Variants in AGMO observed in about 807,000 individuals in gnomAD.
AGMO encodes the protein glyceryl-ether monooxygenase.
AGMO carries 75 observed loss-of-function variants against 60.2 expected under a neutral mutation model. That is an observed-to-expected ratio of 1.25 (90% CI 1.03 to 1.51). The LOEUF (loss-of-function observed/expected upper bound fraction) is 1.51, where lower values mean the gene tolerates loss of function less well. Ranked by LOEUF, AGMO falls within the 40% of genes most tolerant of loss-of-function variation. The pLI is 0.00. For missense variants in AGMO, 763 were observed against 525.5 expected, an observed-to-expected ratio of 1.45 and a Z score of -4.42; for synonymous variants, 261 against 177.1, an observed-to-expected ratio of 1.47 and a Z score of -3.76.
chr7:15,369,112 T>C (rs1169681723), intron 10 of AGMO, among the ~76,000 whole-genome samples: 1 of 152,120 alleles, frequency 6.6e-6, no homozygotes, highest in Non-Finnish European at 1.5e-5. Flanking sequence ...TATCAAGAGA[T>C]ATATTTAAAA....
chr7:15,442,339 T>A (rs1781579615), intron 3 of AGMO, among the ~76,000 whole-genome samples: 1 of 152,184 alleles, frequency 6.6e-6, no homozygotes, highest in African/African-American at 2.4e-5. Flanking sequence ...TGAATGTATG[T>A]CTGGTTTTAA....
the AGMO span, among the ~76,000 whole-genome samples, chr7:15,189,975 TC>T: frequency 6.6e-6 from 1 of 150,718 alleles, no homozygotes; most frequent in Non-Finnish European, 1.5e-5. Context: ...TTTGGGACCT[TC>T]CCTGCTGTTC....
intron 12 of AGMO, among the ~76,000 whole-genome samples, chr7:15,357,190 CGTGTGTGTGTGT>C (rs36124819): frequency 2.1e-3 from 309 of 144,450 alleles, no homozygotes; most frequent in Middle Eastern, 3.5e-3. Context: ...TATGAATATT[CGTGTGTGTGTGT>C]GTGTGTGTGT....
chr7:15,277,201 G>A (rs148619651), intron 12 of AGMO, among the ~76,000 whole-genome samples: 4,742 of 151,902 alleles, frequency 0.031, 243 homozygotes, highest in African/African-American at 0.11. Flanking sequence ...CCAGCTAGTC[G>A]GGAGGCTGAG....
rs558940958 is a variant in AGMO at position 15,374,346 on chromosome 7, A to T, written c.1075-8124T>A. 3.3e-5 allele frequency among the ~76,000 whole-genome samples: 5 copies of T among 152,290 alleles called. No individual in the cohort carries two copies. In the East Asian group the frequency reaches 7.7e-4, roughly 23 times the overall value. On this transcript the variant is annotated intron_variant, in intron 10 of 12. Transcript: ENST00000342526. ...CAAGCAAGAAGCAAACATAATAAAT[A>T]TATCAAAGGTGAAAATATATTGGCT...
chr7:15,417,541 C>A (rs559593257), intron 5 of AGMO, among the ~76,000 whole-genome samples: 4 of 152,136 alleles, frequency 2.6e-5, no homozygotes, highest in African/African-American at 9.7e-5. Flanking sequence ...GGTCTTTGAC[C>A]TCTAGAGTCA....
intron 3 of AGMO, among the ~76,000 whole-genome samples, chr7:15,460,102 T>TC (rs1288501424): frequency 3.8e-4 from 47 of 122,912 alleles, no homozygotes; most frequent in Non-Finnish European, 5.4e-4. Context: ...TTACCCAATT[T>TC]CCCCTTTTTT....
chr7:15,455,113 A>G (rs974009469), intron 3 of AGMO, among the ~76,000 whole-genome samples: 4 of 150,206 alleles, frequency 2.7e-5, no homozygotes, highest in African/African-American at 9.8e-5. Context: ...ACACACACAC[A>G]CACACTTTTT....
At chr7:15,428,385 T>C (rs1469649067) in intron 4 of AGMO, among the ~76,000 whole-genome samples, 1 of 152,190 alleles carries the variant, frequency 6.6e-6, no homozygotes, top group Non-Finnish European at 1.5e-5. Flanking sequence ...CAGCTTGTCA[T>C]GCATTCTCAA....
At chr7:15,448,596 T>A (rs1781768521) in intron 3 of AGMO, among the ~76,000 whole-genome samples, 1 of 145,904 alleles carries the variant, frequency 6.9e-6, no homozygotes, top group South Asian at 2.1e-4. Context: ...ATGACTGATT[T>A]CTCCATAAAG....
intron 3 of AGMO, among the ~76,000 whole-genome samples, chr7:15,439,724 T>C (rs1781497619): frequency 6.6e-6 from 1 of 152,196 alleles, no homozygotes; most frequent in Non-Finnish European, 1.5e-5. Flanking sequence ...ATTTTATTAT[T>C]GTGGACCAAA....
intron 12 of AGMO, among the ~76,000 whole-genome samples, chr7:15,272,668 TG>T (rs1183139505): frequency 6.6e-6 from 1 of 152,150 alleles, no homozygotes; most frequent in African/African-American, 2.4e-5. Context: ...CTGGGTCAAA[TG>T]GTATTTCTAG....
intron 5 of AGMO, among the ~76,000 whole-genome samples, chr7:15,394,758 G>A (rs1361191303): frequency 6.6e-6 from 1 of 152,192 alleles, no homozygotes; most frequent in Admixed American, 6.5e-5. Flanking sequence ...TATTGCATCA[G>A]TAATCTACGG....
intron 3 of AGMO, among the ~76,000 whole-genome samples, chr7:15,531,439 T>C (rs1178814107): frequency 3.7e-4 from 22 of 59,434 alleles, no homozygotes; most frequent in Non-Finnish European, 5.0e-4. Context: ...TATATATATA[T>C]TCTATATATA....
downstream of AGMO, among the ~76,000 whole-genome samples, chr7:15,198,651 T>A (rs1284671201): frequency 6.6e-6 from 1 of 152,092 alleles, no homozygotes; most frequent in South Asian, 2.1e-4. Context: ...AAGGATAATT[T>A]GGTGGGTAGG....
At chr7:15,399,649 T>C (rs1784502725) in intron 5 of AGMO, among the ~76,000 whole-genome samples, 1 of 152,210 alleles carries the variant, frequency 6.6e-6, no homozygotes, top group South Asian at 2.1e-4. Flanking sequence ...GGACAATTTG[T>C]TGGAATGATC....
At chr7:15,427,461 T>C (rs1482321196) in intron 4 of AGMO, among the ~76,000 whole-genome samples, 1 of 152,160 alleles carries the variant, frequency 6.6e-6, no homozygotes, top group Non-Finnish European at 1.5e-5. Context: ...TTATTTAGAA[T>C]TCACTAGTTG....
intron 8 of AGMO, among the ~76,000 whole-genome samples, 175 bp from the exon 9 acceptor site, chr7:15,387,715 C>G (rs886333489): frequency 6.6e-6 from 1 of 152,132 alleles, no homozygotes; most frequent in Non-Finnish European, 1.5e-5. Context: ...ATTCTATGCA[C>G]TGTATACCAT....
At chr7:15,298,258 A>T (rs1047337919) in intron 12 of AGMO, among the ~76,000 whole-genome samples, 1 of 152,182 alleles carries the variant, frequency 6.6e-6, no homozygotes, top group African/African-American at 2.4e-5. Flanking sequence ...TCAACACATA[A>T]TTTTAGCTAT....
Sources: gnomAD v4.1 joint callset for allele counts (sites outside exome capture counted in the v4.1 genomes callset) on GRCh38, gnomAD v4.1.1 for gene constraint, MANE v1.5 for transcripts, NCBI Gene and HGNC (gene_info 2026-07-23, HGNC 2026-07-21) for gene names.